YES1: variants seen among roughly 807,000 people sequenced by gnomAD.
YES1 encodes YES proto-oncogene 1, Src family tyrosine kinase.
In YES1, 39 loss-of-function variants were observed where a neutral mutation model predicts 70.4. That is an observed-to-expected ratio of 0.55 (90% CI 0.43 to 0.72). YES1 has a LOEUF of 0.72. YES1 is among the 30% of genes least tolerant of loss of function. The probability of loss-of-function intolerance (pLI) is 0.00; values close to 1 mark genes in which losing one functional copy is unlikely to be tolerated. For missense variants in YES1, 495 were observed against 644.8 expected (o/e 0.77, Z 2.52); for synonymous variants, 198 against 218.6 (o/e 0.91, Z 0.83).
chr18:741,973 T>C (rs1202581803), intron 8 of YES1, among the ~76,000 whole-genome samples: 1 of 152,174 alleles, frequency 6.6e-6, no homozygotes, highest in African/African-American at 2.4e-5. Context: ...AGTCCCCTTT[T>C]GAGGGGAAAA....
chr18:738,086 C>A (rs575096986), intron 9 of YES1: 18 of 151,968 alleles, frequency 1.2e-4, no homozygotes, highest in African/African-American at 4.3e-4. Context: ...GCCAACCTCC[C>A]CTACCATAGA....
intron 1 of YES1, among the ~76,000 whole-genome samples, chr18:771,344 G>A (rs1321635488): frequency 2.0e-5 from 3 of 151,672 alleles, no homozygotes; most frequent in Admixed American, 6.6e-5. Flanking sequence ...TACAGCCTGG[G>A]GAATAAGAGC....
rs2079984697 is a variant in YES1, at chr18:723,609, C to CA, written c.*814dup. ...CTTACTTTGCATGCTATCTAAAGAT[C>CA]AAAACATTTCCCCTTTGATTGGACA... On this transcript the variant is annotated 3_prime_UTR_variant, in exon 12 of 12. Coordinates refer to ENST00000314574, the MANE Select transcript of YES1 (RefSeq NM_005433.4). The CA allele has an allele frequency of 2.0e-5, 3 of 152,588 alleles. No individual in the cohort carries two copies. The highest frequency in any genetic ancestry group is 7.2e-5 in the African/African-American group (3 of 41,424). 9.5% of individuals were successfully genotyped at this position (152,588 alleles called of 1,614,324 possible).
At chr18:786,293 A>C (rs79699521) in intron 1 of YES1, among the ~76,000 whole-genome samples, 4,004 of 152,100 alleles carry the variant, frequency 0.026, 147 homozygotes, top group East Asian at 0.13. Context: ...TCTTTGTCAC[A>C]ATATCAAACA....
chr18:730,747 T>C (rs527828610), intron 11 of YES1, among the ~76,000 whole-genome samples: 109 of 152,324 alleles, frequency 7.2e-4, no homozygotes, highest in Admixed American at 2.0e-3. Flanking sequence ...ACTTTTGTAG[T>C]TGTTTACAGT....
Position 796,852 on chromosome 18 carries a change from G to A in YES1, c.-9+15262C>T, listed in dbSNP as rs569530420. ...AAAGAATTTGCAAACACTAAAAGGT[G>A]GCATTTTGAACCAGTGTGAAAATAG... is the stretch of plus-strand genomic sequence containing the variant. On this transcript the variant is annotated intron_variant, in intron 1 of 11. Coordinates refer to ENST00000314574, the MANE Select transcript of YES1 (RefSeq NM_005433.4). Among the ~76,000 whole-genome samples, 17 of 152,172 alleles carry A rather than the reference G, an allele frequency of 1.1e-4. 1 individual carries two copies. Among genetic ancestry groups the A allele is most frequent in the South Asian group, 1.0e-3 (5 of 4,816 alleles).
chr18:750,977 T>C (rs2080334882), intron 3 of YES1, among the ~76,000 whole-genome samples: 1 of 152,214 alleles, frequency 6.6e-6, no homozygotes, highest in South Asian at 2.1e-4. Context: ...AAATTCTCAA[T>C]GAATGATTGT....
At chr18:739,401 G>C (rs1255665870) in intron 9 of YES1, 1 of 169,210 alleles carries the variant, frequency 5.9e-6, no homozygotes, top group Admixed American at 6.3e-5. Context: ...TTTGAGACTA[G>C]CCTAAGCAAC....
At chr18:732,746 G>T in intron 11 of YES1, 88 bp downstream of exon 11, 1 of 1,539,718 alleles carries the variant, frequency 6.5e-7, no homozygotes. Flanking sequence ...AGAAATAAAG[G>T]CCTTTTCCCC....
chr18:776,028 T>G (rs1905363788), intron 1 of YES1, among the ~76,000 whole-genome samples: 1 of 152,176 alleles, frequency 6.6e-6, no homozygotes, highest in African/African-American at 2.4e-5. Flanking sequence ...CGAGCCCTCC[T>G]TGGTACGCAT....
At chr18:805,221 A>T (rs1335904932) in intron 1 of YES1, among the ~76,000 whole-genome samples, 1 of 152,188 alleles carries the variant, frequency 6.6e-6, no homozygotes, top group Non-Finnish European at 1.5e-5. Flanking sequence ...ACCTTGGGCC[A>T]TATAGTATGG....
chr18:774,136 A>C (rs1028789417), intron 1 of YES1, among the ~76,000 whole-genome samples: 1 of 152,148 alleles, frequency 6.6e-6, no homozygotes, highest in Non-Finnish European at 1.5e-5. Flanking sequence ...TGGCCTTCCC[A>C]TCTGCTTTGT....
At chr18:756,861 G>T in intron 1 of YES1, 26 bp from the exon 2 acceptor site, 1 of 1,594,212 alleles carries the variant, frequency 6.3e-7, no homozygotes, top group East Asian at 2.2e-5. Flanking sequence ...AATATTTTGA[G>T]AGTCAGTTAA....
intron 2 of YES1, among the ~76,000 whole-genome samples, chr18:756,244 GTA>G (rs1242327381): frequency 1.3e-5 from 2 of 150,520 alleles, no homozygotes; most frequent in African/African-American, 2.5e-5. Context: ...TGAGGGAAAG[GTA>G]TATGTTTTTA....
chr18:776,341 A>T (rs1317770650), intron 1 of YES1, among the ~76,000 whole-genome samples: 1 of 152,092 alleles, frequency 6.6e-6, no homozygotes, highest in African/African-American at 2.4e-5. Context: ...TTACAGGCTC[A>T]TGCCACCACG....
chr18:755,765 T>A (rs1277772491), intron 2 of YES1, among the ~76,000 whole-genome samples: 1 of 152,184 alleles, frequency 6.6e-6, no homozygotes, highest in Admixed American at 6.6e-5. Context: ...GAGTCCTTGA[T>A]GACACCATGG....
chr18:742,998 A>C lies in YES1; in HGVS notation c.980T>G (p.Leu327Ter). Residue 327 changes from leucine to a stop codon, truncating the protein, a stop_gained, in exon 8 of 12, where the codon TTA becomes TGA. Transcript: ENST00000314574. LOFTEE classifies it high-confidence loss of function. ...TAGTGGAACAAGTTTATCATGTCTT[A>C]ATTTTTTCATTATCTGAGCTTCTTG... ...FLQEAQIMKK[L>*]RHDKLVPLYA... 1 of 1,611,900 alleles carries C rather than the reference A, an allele frequency of 6.2e-7. No homozygotes were observed. The highest frequency in any genetic ancestry group is 2.2e-5 in the East Asian group (1 of 44,840).
At chr18:736,062 C>G (rs1364232977) in intron 10 of YES1, 1 of 152,818 alleles carries the variant, frequency 6.5e-6, no homozygotes, top group Non-Finnish European at 1.5e-5. Context: ...GTTCCAGCTA[C>G]TCAGGAGGCT....
intron 1 of YES1, among the ~76,000 whole-genome samples, chr18:757,520 A>G (rs1395689955): frequency 2.2e-5 from 3 of 138,316 alleles, no homozygotes; most frequent in African/African-American, 5.5e-5. Context: ...AAAAAAAAAG[A>G]AAGAAAAAGT....
Sources: gnomAD v4.1 joint callset for allele counts (sites outside exome capture counted in the v4.1 genomes callset) on GRCh38, gnomAD v4.1.1 for gene constraint, MANE v1.5 for transcripts, NCBI Gene and HGNC (gene_info 2026-07-23, HGNC 2026-07-21) for gene names.